PHACTR3: variants seen among roughly 807,000 people sequenced by gnomAD.
PHACTR3 encodes the protein phosphatase and actin regulator 3, also known as protein phosphatase 1, regulatory subunit 123.
Under a neutral mutation model 66.8 loss-of-function variants are expected in PHACTR3, and 16 were observed. The observed-to-expected ratio is 0.24, with a 90% CI of 0.16 to 0.36. The LOEUF is 0.36. Among genes scored for constraint, PHACTR3 ranks in the 10% least tolerant of loss-of-function variants. The probability of loss-of-function intolerance (pLI) is 1.00; values close to 1 mark genes in which losing one functional copy is unlikely to be tolerated. For synonymous variants in PHACTR3, 323 were observed against 292.1 expected (o/e 1.11, Z -1.08); for missense variants, 647 against 719.9 (o/e 0.90, Z 1.16).
chr20:59,686,351 G>A (rs1002886888), intron 1 of PHACTR3, among the ~76,000 whole-genome samples: 3 of 152,170 alleles, frequency 2.0e-5, no homozygotes, highest in Non-Finnish European at 2.9e-5. Flanking sequence ...TCTATACAAT[G>A]GGAATAATAA....
intron 7 of PHACTR3, among the ~76,000 whole-genome samples, chr20:59,805,592 A>G (rs1276061057): frequency 6.6e-6 from 1 of 152,204 alleles, no homozygotes; most frequent in Non-Finnish European, 1.5e-5. Flanking sequence ...TGGGATATCT[A>G]GAAACTGAAG....
Position 59,744,509 on chromosome 20 carries a change from G to A in PHACTR3, c.280+1241G>A, listed in dbSNP as rs150821641. On this transcript the variant is annotated intron_variant, in intron 2 of 12. Transcript: ENST00000371015. ...CAGGCTGTTGCCTCGGGGGGTCCCT[G>A]GGGTCCCATTTCCTTTCCAGCTCTG... Among the ~76,000 whole-genome samples, 81 of 152,308 alleles carry A rather than the reference G, an allele frequency of 5.3e-4. No individual in the cohort carries two copies. The East Asian group carries it at 0.014, about 27-fold the overall frequency.
chr20:59,715,640 T>C (rs754266871), intron 1 of PHACTR3, among the ~76,000 whole-genome samples: 2 of 152,344 alleles, frequency 1.3e-5, no homozygotes, highest in South Asian at 4.1e-4. Flanking sequence ...CCTCTTAAAA[T>C]TGATTCCCTC....
chr20:59,608,295 T>G (rs1369362255), intron 1 of PHACTR3, among the ~76,000 whole-genome samples: 1 of 152,118 alleles, frequency 6.6e-6, no homozygotes, highest in Non-Finnish European at 1.5e-5. Flanking sequence ...AGGCCTGACC[T>G]TCCCGCCACT....
chr20:59,821,503 A>C (rs1415881271), intron 8 of PHACTR3, among the ~76,000 whole-genome samples: 2 of 151,966 alleles, frequency 1.3e-5, no homozygotes, highest in African/African-American at 2.4e-5. Context: ...ACATCTACCT[A>C]CTGCTCCTTG....
chr20:59,777,344 G>A (rs2040574412), intron 7 of PHACTR3, among the ~76,000 whole-genome samples: 1 of 152,144 alleles, frequency 6.6e-6, no homozygotes, highest in South Asian at 2.1e-4. Context: ...ATCTTTTAGA[G>A]AACCCCCTTT....
intron 11 of PHACTR3, among the ~76,000 whole-genome samples, chr20:59,842,023 A>G (rs1451599028): frequency 6.6e-6 from 1 of 152,186 alleles, no homozygotes; most frequent in Non-Finnish European, 1.5e-5. Context: ...ACAGTATAGA[A>G]AAGGTTCTAG....
rs527548420 is a variant in PHACTR3 at position 59,813,146 on chromosome 20, G to GA, written c.1328+6954dup. 3.5e-3 allele frequency among the ~76,000 whole-genome samples: 529 copies of GA among 152,332 alleles called. 4 individuals are homozygous for GA. Among genetic ancestry groups the GA allele is most frequent in the African/African-American group, 0.012 (490 of 41,574 alleles). On this transcript the variant is annotated intron_variant, in intron 8 of 12. Transcript: ENST00000371015. ...TTTGCCCGCTGATGTCTGCAACCCTGAAGTTCTGTGCTCGGTATGGTGTGG... is the reference window on the plus strand; with the variant it reads ...TTTGCCCGCTGATGTCTGCAACCCTGAAAGTTCTGTGCTCGGTATGGTGTGG...
At chr20:59,721,205 G>A (rs529719904) in intron 1 of PHACTR3, 2 of 152,394 alleles carry the variant, frequency 1.3e-5, no homozygotes, top group East Asian at 3.9e-4. Context: ...GTTAATAAGA[G>A]CTTGCATTCA....
chr20:59,810,702 C>T (rs185157911), intron 8 of PHACTR3, among the ~76,000 whole-genome samples: 34 of 152,344 alleles, frequency 2.2e-4, no homozygotes, highest in Admixed American at 1.7e-3. Context: ...CTGCTCCCCA[C>T]GGCTACCCCA....
chr20:59,747,986 C>T (rs2146789388), intron 3 of PHACTR3, 151 bp downstream of exon 3: 1 of 749,210 alleles, frequency 1.3e-6, no homozygotes, highest in East Asian at 2.7e-5. Flanking sequence ...AGAGACACCC[C>T]ATGTCAGGAG....
intron 1 of PHACTR3, among the ~76,000 whole-genome samples, chr20:59,686,782 GTGA>G (rs1405587082): frequency 1.0e-4 from 15 of 146,358 alleles, no homozygotes; most frequent in South Asian, 9.2e-4. Flanking sequence ...GATGATGATG[GTGA>G]TGATGATGGT....
chr20:59,802,161 G>A (rs1259331288), intron 7 of PHACTR3, among the ~76,000 whole-genome samples: 3 of 152,176 alleles, frequency 2.0e-5, no homozygotes, highest in African/African-American at 4.8e-5. Flanking sequence ...GGGGAAGCAT[G>A]GTGAAGAAAG....
At chr20:59,712,052 G>A (rs1213955720) in intron 1 of PHACTR3, among the ~76,000 whole-genome samples, 1 of 151,952 alleles carries the variant, frequency 6.6e-6, no homozygotes, top group Non-Finnish European at 1.5e-5. Flanking sequence ...AATTTTGAAT[G>A]AAAAGTTTTA....
chr20:59,644,823 G>C (rs1344746650), intron 1 of PHACTR3, among the ~76,000 whole-genome samples: 6 of 152,070 alleles, frequency 3.9e-5, no homozygotes, highest in Admixed American at 3.3e-4. Flanking sequence ...CTACTCATTT[G>C]TTGGCCAGTG....
chr20:59,732,798 C>T (rs2038814682), intron 1 of PHACTR3, among the ~76,000 whole-genome samples: 1 of 152,176 alleles, frequency 6.6e-6, no homozygotes, highest in African/African-American at 2.4e-5. Flanking sequence ...TTCACTCGCT[C>T]ACTCATTTAT....
At chr20:59,623,732 G>A (rs1267474482) in intron 1 of PHACTR3, among the ~76,000 whole-genome samples, 2 of 152,176 alleles carry the variant, frequency 1.3e-5, no homozygotes, top group African/African-American at 2.4e-5. Context: ...CGGATGTGGT[G>A]GCCATGTGGT....
chr20:59,593,921 A>G (rs2033255727), intron 1 of PHACTR3, among the ~76,000 whole-genome samples: 1 of 152,222 alleles, frequency 6.6e-6, no homozygotes, highest in African/African-American at 2.4e-5. Context: ...AGTAAGTCTT[A>G]AAGTCGGGAA....
At chr20:59,743,902 G>T (rs973552283) in intron 2 of PHACTR3, among the ~76,000 whole-genome samples, 49 of 152,262 alleles carry the variant, frequency 3.2e-4, no homozygotes, top group African/African-American at 7.5e-4. Flanking sequence ...CATCCAGAAG[G>T]TTCCTCCACT....
Sources: gnomAD v4.1 joint callset for allele counts (sites outside exome capture counted in the v4.1 genomes callset) on GRCh38, gnomAD v4.1.1 for gene constraint, MANE v1.5 for transcripts, NCBI Gene and HGNC (gene_info 2026-07-23, HGNC 2026-07-21) for gene names.